Variants in ETV6 observed in about 807,000 individuals in gnomAD.
ETV6 encodes the protein ETS variant transcription factor 6.
A neutral mutation model predicts 51.1 loss-of-function variants in ETV6; 16 were observed. The ratio of observed to expected loss-of-function variants is 0.31; its 90% CI spans 0.21 to 0.48. ETV6 has a LOEUF of 0.48. Ranked by LOEUF, ETV6 falls within the 20% of genes least tolerant of loss-of-function variation. The pLI, the probability that ETV6 is intolerant of heterozygous loss-of-function variation, is 0.99. For synonymous variants in ETV6, 240 were observed against 224.1 expected (o/e 1.07, Z -0.64); for missense variants, 458 against 594.8 (o/e 0.77, Z 2.39).
intron 2 of ETV6, among the ~76,000 whole-genome samples, chr12:11,789,970 C>T (rs1269037639): frequency 6.6e-6 from 1 of 152,096 alleles, no homozygotes; most frequent in East Asian, 1.9e-4. Flanking sequence ...GAACTGTCCT[C>T]CTGTTTTCTT....
rs762525896 is a variant in ETV6 at position 11,750,787 on chromosome 12, GT to G, written c.34-1662del. 10 of 433,558 alleles carry G rather than the reference GT, an allele frequency of 2.3e-5. No homozygotes were observed. The African/African-American group carries it at 2.5e-4, about 11-fold the overall frequency. 26.9% of individuals were successfully genotyped at this position (433,558 alleles called of 1,614,324 possible). ...AACAGATTTTATGTTTCCTATATGTGTGGGCTTTTTTTTTTTTTTTTTTTTT... is the reference window on the plus strand; with the variant it reads ...AACAGATTTTATGTTTCCTATATGTGGGGCTTTTTTTTTTTTTTTTTTTTT... On this transcript the variant is annotated intron_variant, in intron 1 of 7. Transcript: ENST00000396373.
intron 2 of ETV6, among the ~76,000 whole-genome samples, chr12:11,755,941 T>A (rs1017126600): frequency 1.3e-5 from 2 of 152,192 alleles, no homozygotes; most frequent in African/African-American, 4.8e-5. Flanking sequence ...CATTCTTAAA[T>A]CAACTTATAT....
intron 3 of ETV6, among the ~76,000 whole-genome samples, chr12:11,842,081 C>CAA (rs35056557): frequency 9.0e-4 from 75 of 83,522 alleles, no homozygotes; most frequent in South Asian, 1.8e-3. Context: ...GACTCCGTCT[C>CAA]AAAAAAAAAA....
chr12:11,726,150 T>C (rs935586818), intron 1 of ETV6, among the ~76,000 whole-genome samples: 3 of 152,210 alleles, frequency 2.0e-5, no homozygotes, highest in Non-Finnish European at 2.9e-5. Flanking sequence ...ACTCTAGAAA[T>C]GTACTCAAGA....
At chr12:11,719,015 C>G (rs1239841694) in intron 1 of ETV6, among the ~76,000 whole-genome samples, 1 of 152,178 alleles carries the variant, frequency 6.6e-6, no homozygotes, top group Non-Finnish European at 1.5e-5. Context: ...AGTGTTTCAT[C>G]CAGTCTGTTA....
At chr12:11,711,451 G>A (rs1306179028) in intron 1 of ETV6, among the ~76,000 whole-genome samples, 1 of 152,116 alleles carries the variant, frequency 6.6e-6, no homozygotes, top group African/African-American at 2.4e-5. Context: ...ATTTAAGTGT[G>A]GAAACTTTCT....
At chr12:11,782,699 T>TACC (rs1181409672) in intron 2 of ETV6, among the ~76,000 whole-genome samples, 165 of 152,332 alleles carry the variant, frequency 1.1e-3, no homozygotes, top group African/African-American at 3.7e-3. Flanking sequence ...TCTTGCTTGG[T>TACC]TATGTCCTAT....
chr12:11,887,569 G>A (rs1220814389), intron 7 of ETV6, among the ~76,000 whole-genome samples: 4 of 151,904 alleles, frequency 2.6e-5, no homozygotes, highest in African/African-American at 4.8e-5. Context: ...CCAACATGGT[G>A]AAACCCCATC....
intron 1 of ETV6, among the ~76,000 whole-genome samples, chr12:11,697,354 T>C (rs1250650635): frequency 6.6e-6 from 1 of 152,160 alleles, no homozygotes; most frequent in Non-Finnish European, 1.5e-5. Flanking sequence ...TGCAGGCATC[T>C]GAACAGACAG....
intron 2 of ETV6, among the ~76,000 whole-genome samples, chr12:11,824,286 G>T (rs1390532758): frequency 1.3e-5 from 2 of 152,174 alleles, no homozygotes; most frequent in African/African-American, 4.8e-5. Flanking sequence ...CCCAAAAATA[G>T]CCAAGAGGTA....
chr12:11,730,538 C>T (rs1865573631), intron 1 of ETV6, among the ~76,000 whole-genome samples: 1 of 152,206 alleles, frequency 6.6e-6, no homozygotes, highest in East Asian at 1.9e-4. Context: ...TCCAGCGCAG[C>T]CCAGCAGAGA....
intron 3 of ETV6, among the ~76,000 whole-genome samples, chr12:11,851,822 A>G (rs545238562): frequency 6.6e-6 from 1 of 152,344 alleles, no homozygotes; most frequent in Non-Finnish European, 1.5e-5. Flanking sequence ...AGAATAGGGT[A>G]TCCGTGGAGT....
At chr12:11,871,317 T>C (rs1004932591) in intron 5 of ETV6, among the ~76,000 whole-genome samples, 1 of 151,452 alleles carries the variant, frequency 6.6e-6, no homozygotes, top group Non-Finnish European at 1.5e-5. Context: ...GCCTCCTGAG[T>C]AGCTGCGACT....
At chr12:11,829,874 A>G (rs979926553) in intron 2 of ETV6, among the ~76,000 whole-genome samples, 2 of 152,206 alleles carry the variant, frequency 1.3e-5, no homozygotes, top group East Asian at 1.9e-4. Context: ...GGAACTTCCA[A>G]TTCCCTAGTG....
chr12:11,706,499 G>C (rs1032448988), intron 1 of ETV6, among the ~76,000 whole-genome samples: 1 of 152,242 alleles, frequency 6.6e-6, no homozygotes, highest in East Asian at 1.9e-4. Context: ...GCTGCTGTCT[G>C]TTTTTCATAG....
intron 1 of ETV6, among the ~76,000 whole-genome samples, chr12:11,728,872 C>T: frequency 6.6e-6 from 1 of 152,134 alleles, no homozygotes; most frequent in East Asian, 1.9e-4. Flanking sequence ...TACCAGTTAC[C>T]CGTATCTGAC....
At chr12:11,793,778 A>G (rs924089420) in intron 2 of ETV6, among the ~76,000 whole-genome samples, 1 of 152,214 alleles carries the variant, frequency 6.6e-6, no homozygotes, top group Non-Finnish European at 1.5e-5. Flanking sequence ...TGTATTTCCC[A>G]GGCATAAACC....
At chr12:11,756,801 A>C (rs1288737927) in intron 2 of ETV6, among the ~76,000 whole-genome samples, 1 of 152,204 alleles carries the variant, frequency 6.6e-6, no homozygotes, top group African/African-American at 2.4e-5. Context: ...TTACCTTATG[A>C]AACACTGGGC....
intron 1 of ETV6, among the ~76,000 whole-genome samples, chr12:11,693,526 G>T (rs567699774): frequency 6.6e-5 from 10 of 152,294 alleles, no homozygotes; most frequent in African/African-American, 2.2e-4. Context: ...AGAAGATCCC[G>T]ATCACCTCTG....
Sources: gnomAD v4.1 joint callset for allele counts (sites outside exome capture counted in the v4.1 genomes callset) on GRCh38, gnomAD v4.1.1 for gene constraint, MANE v1.5 for transcripts, NCBI Gene and HGNC (gene_info 2026-07-23, HGNC 2026-07-21) for gene names.